SYN3: variants seen among roughly 807,000 people sequenced by gnomAD.
SYN3 encodes the protein synapsin III.
Under a neutral mutation model 65.8 loss-of-function variants are expected in SYN3, and 35 were observed. The ratio of observed to expected loss-of-function variants is 0.53; its 90% confidence interval spans 0.41 to 0.70. The LOEUF is 0.70. Ranked by LOEUF, SYN3 falls within the 30% of genes least tolerant of loss-of-function variation. The pLI, the probability that SYN3 is intolerant of heterozygous loss-of-function variation, is 0.00. For synonymous variants in SYN3, 270 were observed against 292.9 expected (o/e 0.92, Z 0.80); for missense variants, 680 against 749.0 (o/e 0.91, Z 1.08).
intron 7 of SYN3, among the ~76,000 whole-genome samples, chr22:32,566,566 C>T (rs1354853554): frequency 5.3e-5 from 8 of 152,138 alleles, no homozygotes; most frequent in South Asian, 2.1e-4. Context: ...TGACACAACC[C>T]GGAGGAGAGC....
chr22:33,008,392 T>C (rs2053252188), intron 1 of SYN3, among the ~76,000 whole-genome samples: 1 of 152,224 alleles, frequency 6.6e-6, no homozygotes, highest in Non-Finnish European at 1.5e-5. Flanking sequence ...TCCCTCCACA[T>C]CTCCTAACAG....
chr22:32,911,561 G>A (rs962622482), intron 4 of SYN3, among the ~76,000 whole-genome samples: 3 of 152,148 alleles, frequency 2.0e-5, no homozygotes, highest in Admixed American at 2.0e-4. Flanking sequence ...GGCAGCAGGA[G>A]CATGGAGGCA....
At chr22:32,579,242 G>A (rs986905656) in intron 7 of SYN3, among the ~76,000 whole-genome samples, 1 of 152,190 alleles carries the variant, frequency 6.6e-6, no homozygotes, top group African/African-American at 2.4e-5. Context: ...ATCAGTATTT[G>A]TTGAATGAAT....
chr22:32,627,689 A>T (rs767656179), intron 6 of SYN3, among the ~76,000 whole-genome samples: 6 of 152,058 alleles, frequency 3.9e-5, no homozygotes, highest in Non-Finnish European at 7.4e-5. Flanking sequence ...ACATGCTCGG[A>T]AACTCCAAGA....
intron 6 of SYN3, among the ~76,000 whole-genome samples, chr22:32,663,391 C>T (rs1049728888): frequency 2.0e-5 from 3 of 151,538 alleles, no homozygotes; most frequent in Admixed American, 6.6e-5. Flanking sequence ...CTCCGCCTCC[C>T]GGGTTCACGC....
rs1032006347 is a variant in SYN3, at chr22:32,693,754, G to A, written c.712-97018C>T. 7.2e-5 allele frequency among the ~76,000 whole-genome samples: 11 copies of A among 151,894 alleles called. No homozygotes were observed. The East Asian group carries it at 1.4e-3, about 19-fold the overall frequency. ...TTACAGGTGTGAGCCACCATGCCCAGCTAATTTTTGTATTTTTAGTAGAGA... is the reference window on the plus strand; with the variant it reads ...TTACAGGTGTGAGCCACCATGCCCAACTAATTTTTGTATTTTTAGTAGAGA... On this transcript the variant is annotated intron_variant, in intron 6 of 13. Transcript: ENST00000358763.
intron 4 of SYN3, among the ~76,000 whole-genome samples, chr22:32,879,289 A>G (rs1168822032): frequency 6.6e-6 from 1 of 152,376 alleles, no homozygotes; most frequent in East Asian, 1.9e-4. Context: ...ACAAAAATGT[A>G]TTGAGCACTA....
At chr22:32,559,678 A>T (rs1307882877) in intron 7 of SYN3, among the ~76,000 whole-genome samples, 1 of 152,090 alleles carries the variant, frequency 6.6e-6, no homozygotes, top group Non-Finnish European at 1.5e-5. Context: ...ATACAAAAAA[A>T]TTAGCCGGGC....
At chr22:32,698,394 G>C (rs2060766759) in intron 6 of SYN3, among the ~76,000 whole-genome samples, 1 of 152,076 alleles carries the variant, frequency 6.6e-6, no homozygotes, top group Non-Finnish European at 1.5e-5. Context: ...ACAAAGTTCT[G>C]CCAACTTATA....
intron 3 of SYN3, among the ~76,000 whole-genome samples, chr22:32,945,862 C>A (rs894245066): frequency 1.3e-5 from 2 of 152,106 alleles, no homozygotes; most frequent in Non-Finnish European, 2.9e-5. Flanking sequence ...CCAAACAAGG[C>A]GATCAAAAAG....
chr22:32,830,355 T>C (rs961956671), intron 6 of SYN3, among the ~76,000 whole-genome samples: 2 of 152,168 alleles, frequency 1.3e-5, no homozygotes, highest in Admixed American at 6.5e-5. Context: ...CCTTGTATGA[T>C]TGCATCTCCC....
At chr22:32,953,089 C>T (rs2051339514) in intron 3 of SYN3, among the ~76,000 whole-genome samples, 1 of 152,168 alleles carries the variant, frequency 6.6e-6, no homozygotes, top group Non-Finnish European at 1.5e-5. Flanking sequence ...ATCACAACAA[C>T]ATTGATAGAA....
At position 32,989,163 on chromosome 22, in the gene SYN3, C is replaced by G. The variant is rs117122729; in HGVS notation, c.312-8461G>C. Among the ~76,000 whole-genome samples, 421 of 152,304 alleles carry G rather than the reference C, an allele frequency of 2.8e-3. 11 individuals are homozygous for G. Among genetic ancestry groups the G allele is most frequent in the Admixed American group, 0.02 (306 of 15,302 alleles). ...ACTAGCCTTGGAGACAAGCCCAGGT[C>G]CCTTTCAGCTATTTATTTCCAGTGC... On this transcript the variant is annotated intron_variant, in intron 2 of 13. Transcript: ENST00000358763.
chr22:32,976,663 G>C (rs905690011), intron 3 of SYN3, among the ~76,000 whole-genome samples: 3 of 152,204 alleles, frequency 2.0e-5, no homozygotes, highest in African/African-American at 7.2e-5. Flanking sequence ...GCCCCGCAGA[G>C]CCAGTAGGGC....
At chr22:32,890,072 CTTTTTTTTTTTTT>C (rs5845051) in intron 4 of SYN3, among the ~76,000 whole-genome samples, 3 of 58,282 alleles carry the variant, frequency 5.1e-5, no homozygotes, top group African/African-American at 2.1e-4. Context: ...GATTTAGCTG[CTTTTTTTTTTTTT>C]TTTTTTTTTT....
intron 8 of SYN3, among the ~76,000 whole-genome samples, chr22:32,539,287 TG>T (rs2058214970): frequency 6.6e-6 from 1 of 150,480 alleles, no homozygotes; most frequent in Admixed American, 6.7e-5. Context: ...ATTCTGAGAC[TG>T]GGCACATACA....
chr22:32,814,652 A>T (rs16991243), intron 6 of SYN3, among the ~76,000 whole-genome samples: 2,523 of 152,312 alleles, frequency 0.017, 42 homozygotes, highest in Middle Eastern at 0.044. Flanking sequence ...GGAGGCTGCT[A>T]AAATAGAATG....
chr22:32,551,769 A>C (rs1233503805), intron 7 of SYN3, among the ~76,000 whole-genome samples: 5 of 152,206 alleles, frequency 3.3e-5, no homozygotes, highest in Admixed American at 2.6e-4. Flanking sequence ...TGAAATATTT[A>C]TGGGTGAAAT....
intron 6 of SYN3, among the ~76,000 whole-genome samples, chr22:32,811,220 G>A (rs1569242654): frequency 6.6e-6 from 1 of 152,134 alleles, no homozygotes. Context: ...TCAAAGATAA[G>A]CAGACTGAGG....
Sources: allele counts gnomAD v4.1 joint callset (sites outside exome capture counted in the v4.1 genomes callset), GRCh38; gene constraint gnomAD v4.1.1; transcripts MANE v1.5; gene names NCBI Gene and HGNC (gene_info 2026-07-23, HGNC 2026-07-21).